RANBP17: variants seen among roughly 807,000 people sequenced by gnomAD.
RANBP17 encodes the protein ran-binding protein 17.
Under a neutral mutation model 141.2 loss-of-function variants are expected in RANBP17, and 158 were observed. That is an observed-to-expected ratio of 1.12 (90% CI 0.98 to 1.28). The LOEUF is 1.28. RANBP17 is among the 50% of genes most tolerant of loss of function. The pLI is 0.00. For missense variants in RANBP17, 1,438 were observed against 1,290.7 expected, an observed-to-expected ratio of 1.11 and a Z score of -1.75; for synonymous variants, 430 against 450.0, an observed-to-expected ratio of 0.96 and a Z score of 0.56.
chr5:170,879,185 G>A (rs1260655101), intron 2 of RANBP17, among the ~76,000 whole-genome samples: 3 of 152,032 alleles, frequency 2.0e-5, no homozygotes, highest in Non-Finnish European at 4.4e-5. Flanking sequence ...CACATAGATA[G>A]GTACTGCTAA....
Position 170,892,374 on chromosome 5 carries a change from G to A in RANBP17, c.257-13G>A, listed in dbSNP as rs1281420928. 1 of 1,543,604 alleles carries A rather than the reference G, an allele frequency of 6.5e-7. No individual in the cohort carries two copies. The highest frequency in any genetic ancestry group is 2.5e-5 in the East Asian group (1 of 39,512). Reference sequence around the variant, plus strand: ...GAAAAGTCCAGATGACCCATGGAGTGTTTTCTTTGTAGGAAACTACATTCT... The same window carrying A: ...GAAAAGTCCAGATGACCCATGGAGTATTTTCTTTGTAGGAAACTACATTCT... On this transcript the variant is annotated splice_polypyrimidine_tract_variant and intron_variant, in intron 3 of 27. Coordinates refer to ENST00000523189, the MANE Select transcript of RANBP17 (RefSeq NM_022897.5).
At chr5:171,257,874 G>A (rs901664232) in intron 24 of RANBP17, among the ~76,000 whole-genome samples, 2 of 152,070 alleles carry the variant, frequency 1.3e-5, no homozygotes, top group African/African-American at 4.8e-5. Flanking sequence ...GGGAGGCTGA[G>A]GTGGGCGGAT....
At position 171,004,965 on chromosome 5, in the gene RANBP17, G is replaced by C. The variant is rs1423362987; in HGVS notation, c.1710+36588G>C. Among the ~76,000 whole-genome samples the C allele has an allele frequency of 2.6e-5, 4 of 152,106 alleles. No individual in the cohort carries two copies. The East Asian group carries it at 7.7e-4, about 29-fold the overall frequency. On this transcript the variant is annotated intron_variant, in intron 14 of 27. Coordinates refer to ENST00000523189, the MANE Select transcript of RANBP17 (RefSeq NM_022897.5). The stretch of plus-strand genomic sequence containing the variant: ...GGTTTTCCTACAGCGGAGGCAAGTA[G>C]CTGTAACTCAGAAATACGTTGCTGT...
intron 12 of RANBP17, among the ~76,000 whole-genome samples, chr5:170,946,928 A>G (rs1774818010): frequency 6.6e-6 from 1 of 152,214 alleles, no homozygotes; most frequent in African/African-American, 2.4e-5. Flanking sequence ...ACAAGAAGGT[A>G]GAGTTTCACT....
At chr5:171,006,097 C>G (rs1779582460) in intron 14 of RANBP17, among the ~76,000 whole-genome samples, 1 of 152,070 alleles carries the variant, frequency 6.6e-6, no homozygotes, top group Non-Finnish European at 1.5e-5. Flanking sequence ...CAGGAAACAA[C>G]AGGTGCTGGA....
At chr5:171,232,700 T>A (rs1290476783) in intron 22 of RANBP17, among the ~76,000 whole-genome samples, 2 of 152,204 alleles carry the variant, frequency 1.3e-5, no homozygotes, top group African/African-American at 4.8e-5. Context: ...TGTGTACATA[T>A]ACACATATTT....
chr5:171,026,552 T>A, intron 14 of RANBP17, among the ~76,000 whole-genome samples: 1 of 152,316 alleles, frequency 6.6e-6, no homozygotes, highest in Admixed American at 6.5e-5. Context: ...CATACCAGCT[T>A]ATATATTCAT....
At chr5:171,110,255 A>T (rs942994564) in intron 14 of RANBP17, among the ~76,000 whole-genome samples, 4 of 151,996 alleles carry the variant, frequency 2.6e-5, no homozygotes, top group African/African-American at 9.7e-5. Flanking sequence ...TAGAATGGGT[A>T]CAAGAACCTA....
intron 4 of RANBP17, among the ~76,000 whole-genome samples, chr5:170,895,489 T>C (rs929609532): frequency 2.0e-5 from 3 of 152,192 alleles, no homozygotes; most frequent in African/African-American, 7.2e-5. Context: ...TTGCATTGTG[T>C]ACTTTACATG....
intron 14 of RANBP17, among the ~76,000 whole-genome samples, chr5:171,125,941 C>A (rs1210103407): frequency 6.6e-6 from 1 of 152,100 alleles, no homozygotes; most frequent in Non-Finnish European, 1.5e-5. Context: ...GCGCGCACCA[C>A]CACACCTGGC....
Position 170,973,144 on chromosome 5 carries a change from C to T in RANBP17, c.1710+4767C>T, listed in dbSNP as rs144098748. ...CAAAAGTGAATAGGATCATCCATCT[C>T]CCCTGTAAGTTTTTAGTTAAAGGGA... On this transcript the variant is annotated intron_variant, in intron 14 of 27. Coordinates refer to ENST00000523189, the MANE Select transcript of RANBP17 (RefSeq NM_022897.5). 8.0e-3 allele frequency among the ~76,000 whole-genome samples: 1,224 copies of T among 152,144 alleles called. 9 individuals are homozygous for T. The highest frequency in any genetic ancestry group is 0.01 in the Non-Finnish European group (682 of 68,004).
intron 14 of RANBP17, among the ~76,000 whole-genome samples, chr5:171,120,284 C>T (rs1755939532): frequency 6.6e-6 from 1 of 152,174 alleles, no homozygotes; most frequent in Admixed American, 6.5e-5. Flanking sequence ...CAGCATTGTG[C>T]CTTGCCCAAG....
chr5:170,968,223 T>C lies in RANBP17; in HGVS notation c.1575-19T>C. Reference sequence around the variant, plus strand: ...AGGTTTTGTACTGAAGGTTTTTTTTTTATTTTCCCTTCATGAAGAGTTTTT... The same window carrying C: ...AGGTTTTGTACTGAAGGTTTTTTTTCTATTTTCCCTTCATGAAGAGTTTTT... On this transcript the variant is annotated intron_variant, in intron 13 of 27. Coordinates refer to ENST00000523189, the MANE Select transcript of RANBP17 (RefSeq NM_022897.5). 1 of 1,531,924 alleles carries C rather than the reference T, an allele frequency of 6.5e-7. No individual in the cohort carries two copies. Among genetic ancestry groups the C allele is most frequent in the Non-Finnish European group, 8.7e-7 (1 of 1,147,006 alleles). The allele number at this position is 1,531,924 out of a possible 1,614,324, so 94.9% of individuals were successfully genotyped here.
intron 12 of RANBP17, among the ~76,000 whole-genome samples, chr5:170,926,469 CTT>C (rs138313481): frequency 0.6 from 91,098 of 151,784 alleles, 29,079 homozygotes; most frequent in South Asian, 0.88. Flanking sequence ...ATGTGCATCT[CTT>C]TTGTTCATTT....
chr5:170,932,265 G>C (rs1773456135), intron 12 of RANBP17, among the ~76,000 whole-genome samples: 2 of 152,336 alleles, frequency 1.3e-5, no homozygotes, highest in Admixed American at 1.3e-4. Flanking sequence ...TTTGTATCCT[G>C]AGACTTTGCT....
chr5:171,073,836 C>CT (rs76724013), intron 14 of RANBP17, among the ~76,000 whole-genome samples: 134 of 141,146 alleles, frequency 9.5e-4, no homozygotes, highest in South Asian at 1.6e-3. Context: ...TAAGGAGGTA[C>CT]TTTTTTTTTT....
At chr5:170,885,093 T>C (rs1021464104) in intron 3 of RANBP17, among the ~76,000 whole-genome samples, 1 of 152,230 alleles carries the variant, frequency 6.6e-6, no homozygotes, top group Non-Finnish European at 1.5e-5. Context: ...AAAGGCTTTT[T>C]AGTAGCAGAC....
At chr5:171,094,048 A>G (rs532803470) in intron 14 of RANBP17, among the ~76,000 whole-genome samples, 1 of 152,328 alleles carries the variant, frequency 6.6e-6, no homozygotes, top group Admixed American at 6.5e-5. Flanking sequence ...CCTTGAAAGT[A>G]CAGTTTACCA....
At chr5:170,932,162 T>TGAAGCAA (rs1773444538) in intron 12 of RANBP17, among the ~76,000 whole-genome samples, 1 of 152,210 alleles carries the variant, frequency 6.6e-6, no homozygotes, top group African/African-American at 2.4e-5. Flanking sequence ...TTATTCTCTT[T>TGAAGCAA]GAAGCAATTG....
Sources: gnomAD v4.1 joint callset for allele counts (sites outside exome capture counted in the v4.1 genomes callset) on GRCh38, gnomAD v4.1.1 for gene constraint, MANE v1.5 for transcripts, NCBI Gene and HGNC (gene_info 2026-07-23, HGNC 2026-07-21) for gene names.